The following NRG1 variants were observed in gnomAD, a reference collection of about 807,000 sequenced individuals.
NRG1 encodes the protein pro-neuregulin-1, membrane-bound isoform.
In NRG1, 18 loss-of-function variants were observed where a neutral mutation model predicts 63.8. That is an observed-to-expected ratio of 0.28 (90% CI 0.19 to 0.42). NRG1 has a LOEUF of 0.42. Ranked by LOEUF, NRG1 falls within the 10% of genes least tolerant of loss-of-function variation. The pLI is 1.00. For missense variants in NRG1, 762 were observed against 814.7 expected (o/e 0.94, Z 0.79); for synonymous variants, 302 against 301.3 (o/e 1.00, Z -0.02).
At chr8:32,684,423 G>A (rs1809524190) in intron 5 of NRG1, among the ~76,000 whole-genome samples, 1 of 152,060 alleles carries the variant, frequency 6.6e-6, no homozygotes, top group South Asian at 2.1e-4. Context: ...AAATAGAGTG[G>A]TAGGGAAAAA....
At chr8:31,891,010 G>T (rs1290778285) in intron 1 of NRG1, among the ~76,000 whole-genome samples, 2 of 152,130 alleles carry the variant, frequency 1.3e-5, no homozygotes, top group African/African-American at 4.8e-5. Flanking sequence ...ACTGAAAATG[G>T]ATCACAGACT....
At chr8:32,759,460 G>C in intron 10 of NRG1, 24 bp downstream of exon 10, 1 of 1,606,610 alleles carries the variant, frequency 6.2e-7, no homozygotes, top group Non-Finnish European at 8.5e-7. Context: ...AAAATTCCAC[G>C]GCTTTTCTCT....
At chr8:32,297,889 A>C (rs1295828711) in intron 1 of NRG1, among the ~76,000 whole-genome samples, 2 of 152,232 alleles carry the variant, frequency 1.3e-5, no homozygotes, top group Non-Finnish European at 2.9e-5. Flanking sequence ...TTGCAGTGAA[A>C]AATTATCCAG....
At chr8:32,558,237 A>C (rs573820750) in intron 1 of NRG1, among the ~76,000 whole-genome samples, 7 of 152,188 alleles carry the variant, frequency 4.6e-5, no homozygotes, top group Non-Finnish European at 7.3e-5. Flanking sequence ...TGGACTGTGC[A>C]TGGCGTGGGG....
intron 1 of NRG1, among the ~76,000 whole-genome samples, chr8:32,191,713 TG>T (rs1842515230): frequency 6.6e-6 from 1 of 151,960 alleles, no homozygotes; most frequent in Non-Finnish European, 1.5e-5. Flanking sequence ...GAGGAGAGAG[TG>T]TATGGCCTGG....
chr8:31,760,934 C>T (rs1428618786), intron 1 of NRG1, among the ~76,000 whole-genome samples: 1 of 152,132 alleles, frequency 6.6e-6, no homozygotes, highest in Admixed American at 6.5e-5. Flanking sequence ...CCATTTGACC[C>T]AGCCATCCCA....
In NRG1 at chr8:32,723,338, C is replaced by T. The variant is rs16879866; in HGVS notation, c.503-4611C>T. Among the ~76,000 whole-genome samples the T allele has an allele frequency of 8.0e-3, 1,216 of 152,176 alleles. 13 individuals carry two copies. The highest frequency in any genetic ancestry group is 0.028 in the African/African-American group (1,164 of 41,532). ...GGTCATGGTCTTACAATTTTTAACC[C>T]CAGTGATTTTGGTTGTTATCATTAT... On this transcript the variant is annotated intron_variant, in intron 5 of 11. Coordinates refer to ENST00000356819, the Ensembl canonical transcript of NRG1.
chr8:31,708,991 T>A (rs1156417718), intron 1 of NRG1, among the ~76,000 whole-genome samples: 4 of 152,320 alleles, frequency 2.6e-5, no homozygotes, highest in South Asian at 2.1e-4. Context: ...ACATATTTCA[T>A]GTATTCATGA....
chr8:32,325,765 T>C (rs750044840), intron 1 of NRG1, among the ~76,000 whole-genome samples: 8 of 152,208 alleles, frequency 5.3e-5, no homozygotes, highest in Non-Finnish European at 8.8e-5. Flanking sequence ...ATTAAAAGGT[T>C]GAATTAGGTG....
chr8:32,126,677 A>C (rs1001383781), intron 1 of NRG1, among the ~76,000 whole-genome samples: 2 of 151,930 alleles, frequency 1.3e-5, no homozygotes, highest in African/African-American at 4.8e-5. Flanking sequence ...GACCCAGCCC[A>C]TGGTGGCACT....
intron 5 of NRG1, among the ~76,000 whole-genome samples, chr8:32,637,750 C>T (rs755055494): frequency 1.3e-5 from 2 of 152,170 alleles, no homozygotes. Context: ...TAATCTCCAG[C>T]CTGTTCTCAG....
At chr8:32,421,488 G>C (rs1305504810) in intron 1 of NRG1, among the ~76,000 whole-genome samples, 1 of 152,150 alleles carries the variant, frequency 6.6e-6, no homozygotes, top group Admixed American at 6.6e-5. Context: ...TGATGAGTGA[G>C]GTCATGTTAA....
chr8:32,717,064 G>T (rs948294268), intron 5 of NRG1, among the ~76,000 whole-genome samples: 3 of 152,050 alleles, frequency 2.0e-5, no homozygotes, highest in East Asian at 1.9e-4. Context: ...TTTAGGGAAG[G>T]CTTCTTTAGG....
At chr8:32,163,361 G>T (rs1017782032) in intron 1 of NRG1, among the ~76,000 whole-genome samples, 2 of 152,190 alleles carry the variant, frequency 1.3e-5, no homozygotes, top group Non-Finnish European at 2.9e-5. Flanking sequence ...ACAAGACTAC[G>T]ACACAGTCTT....
At chr8:31,752,665 A>T (rs1175477697) in intron 1 of NRG1, among the ~76,000 whole-genome samples, 1 of 152,172 alleles carries the variant, frequency 6.6e-6, no homozygotes, top group East Asian at 1.9e-4. Context: ...AGATGAATCA[A>T]GGATAATTTC....
chr8:32,496,627 T>TG, intron 1 of NRG1, among the ~76,000 whole-genome samples: 2 of 151,774 alleles, frequency 1.3e-5, no homozygotes, highest in Non-Finnish European at 2.9e-5. Flanking sequence ...GATAGGTGTG[T>TG]TTGGGAGGGA....
chr8:32,483,506 T>G (rs912926428), intron 1 of NRG1, among the ~76,000 whole-genome samples: 1 of 152,210 alleles, frequency 6.6e-6, no homozygotes, highest in Non-Finnish European at 1.5e-5. Context: ...GCAAAGTGAC[T>G]ACTTCAACTT....
chr8:32,666,228 C>A (rs956128980), intron 5 of NRG1, among the ~76,000 whole-genome samples: 1 of 152,162 alleles, frequency 6.6e-6, no homozygotes, highest in Admixed American at 6.5e-5. Context: ...GTAGGCACTC[C>A]TTTGCAGACA....
intron 1 of NRG1, among the ~76,000 whole-genome samples, chr8:32,016,227 GTTTATT>G (rs1586493742): frequency 1.3e-5 from 2 of 151,894 alleles, no homozygotes; most frequent in African/African-American, 4.8e-5. Flanking sequence ...AACTTCTTTT[GTTTATT>G]TTTATTTTTT....
Sources: gnomAD v4.1 joint callset for allele counts (sites outside exome capture counted in the v4.1 genomes callset) on GRCh38, gnomAD v4.1.1 for gene constraint, MANE v1.5 for transcripts, NCBI Gene and HGNC (gene_info 2026-07-23, HGNC 2026-07-21) for gene names.